Variants in PDZD2 observed in about 807,000 individuals in gnomAD.
PDZD2 encodes PDZ domain-containing protein 2.
Under a neutral mutation model 220.7 loss-of-function variants are expected in PDZD2, and 90 were observed. That is an observed-to-expected ratio of 0.41 (90% CI 0.34 to 0.49). The LOEUF is 0.49. Ranked by LOEUF, PDZD2 falls within the 20% of genes least tolerant of loss-of-function variation. PDZD2 has a pLI of 0.28. For missense variants in PDZD2, 3,174 were observed against 3,608.5 expected, an observed-to-expected ratio of 0.88 and a Z score of 3.08; for synonymous variants, 1,375 against 1,450.5, an observed-to-expected ratio of 0.95 and a Z score of 1.18.
chr5:31,919,117 G>A (rs961762367), intron 2 of PDZD2, among the ~76,000 whole-genome samples: 2 of 152,238 alleles, frequency 1.3e-5, no homozygotes, highest in East Asian at 1.9e-4. Flanking sequence ...AACTGGTGGA[G>A]GAGTGAGTAG....
At chr5:32,103,154 T>TAA (rs1453079478) in intron 24 of PDZD2, among the ~76,000 whole-genome samples, 6 of 152,148 alleles carry the variant, frequency 3.9e-5, no homozygotes, top group African/African-American at 1.4e-4. Context: ...AAATCATGAC[T>TAA]AAGAATTTTC....
At chr5:31,831,969 G>T (rs1282172766) in intron 2 of PDZD2, among the ~76,000 whole-genome samples, 1 of 150,842 alleles carries the variant, frequency 6.6e-6, no homozygotes, top group East Asian at 1.9e-4. Flanking sequence ...TATAAATGGA[G>T]TGAAAATTTT....
chr5:32,077,960 A>AAAAAAG (rs1741476826), intron 19 of PDZD2: 2 of 195,636 alleles, frequency 1.0e-5, no homozygotes, highest in East Asian at 2.8e-4. Context: ...TCTGTCAAAA[A>AAAAAAG]AAAAAGAAAA....
intron 1 of PDZD2, among the ~76,000 whole-genome samples, chr5:31,766,596 T>C (rs10461903): frequency 0.37 from 56,320 of 152,066 alleles, 10,607 homozygotes; most frequent in East Asian, 0.51. Flanking sequence ...TTCACCATGT[T>C]GCCTAGGCTG....
chr5:31,881,330 G>GTT (rs1232066417), intron 2 of PDZD2, among the ~76,000 whole-genome samples: 2 of 54,258 alleles, frequency 3.7e-5, no homozygotes, highest in Admixed American at 2.8e-4. Context: ...ATATATATGT[G>GTT]TGTGTGTGTG....
intron 1 of PDZD2, among the ~76,000 whole-genome samples, chr5:31,775,001 T>A (rs1472501314): frequency 1.3e-5 from 2 of 152,220 alleles, no homozygotes; most frequent in Non-Finnish European, 2.9e-5. Flanking sequence ...ATCAACATGA[T>A]GTCAACCAGC....
At chr5:32,077,354 C>T (rs1481613972) in intron 18 of PDZD2, 108 bp from the exon 19 acceptor site, 4 of 1,064,172 alleles carry the variant, frequency 3.8e-6, no homozygotes, top group Non-Finnish European at 5.6e-6. Context: ...TAGTCCAGGG[C>T]CCCTTTGCCT....
At chr5:31,693,497 T>C (rs529022311) in intron 1 of PDZD2, among the ~76,000 whole-genome samples, 1 of 152,054 alleles carries the variant, frequency 6.6e-6, no homozygotes, top group East Asian at 1.9e-4. Flanking sequence ...ACCTCGGCCT[T>C]CCAAAGTGCT....
At chr5:31,715,220 G>C (rs993352631) in intron 1 of PDZD2, among the ~76,000 whole-genome samples, 1 of 152,124 alleles carries the variant, frequency 6.6e-6, no homozygotes, top group African/African-American at 2.4e-5. Flanking sequence ...GGTAGAGAGG[G>C]CTTTGTAGTA....
intron 2 of PDZD2, among the ~76,000 whole-genome samples, chr5:31,951,517 C>CCA (rs1185852378): frequency 1.3e-5 from 2 of 152,188 alleles, no homozygotes; most frequent in Non-Finnish European, 1.5e-5. Flanking sequence ...AACATTGAGT[C>CCA]CACAGCAGAA....
In PDZD2 at chr5:31,858,393, G is replaced by C. The variant is rs544618271; in HGVS notation, c.476+58669G>C. Among the ~76,000 whole-genome samples, 22 of 152,318 alleles carry C rather than the reference G, an allele frequency of 1.4e-4. 1 individual carries two copies. The South Asian group carries it at 3.9e-3, about 27-fold the overall frequency. On this transcript the variant is annotated intron_variant, in intron 2 of 24. Transcript: ENST00000438447. Reference sequence around the variant, plus strand: ...AACCTCCTTTGCAAAAATTAGTACAGCTATGATAGTGAAAGAGATGTGATC... The same window carrying C: ...AACCTCCTTTGCAAAAATTAGTACACCTATGATAGTGAAAGAGATGTGATC...
chr5:31,883,367 T>C (rs1383128308), intron 2 of PDZD2, among the ~76,000 whole-genome samples: 1 of 150,274 alleles, frequency 6.7e-6, no homozygotes, highest in Non-Finnish European at 1.5e-5. Context: ...ATTACAGGTG[T>C]GTACCACCAG....
At chr5:31,953,232 A>T (rs1012300972) in intron 2 of PDZD2, among the ~76,000 whole-genome samples, 1 of 151,954 alleles carries the variant, frequency 6.6e-6, no homozygotes, top group Non-Finnish European at 1.5e-5. Context: ...AGGAAATTTT[A>T]TATATGGAGA....
At chr5:31,851,489 A>C (rs928205703) in intron 2 of PDZD2, among the ~76,000 whole-genome samples, 3 of 152,204 alleles carry the variant, frequency 2.0e-5, no homozygotes, top group Admixed American at 6.5e-5. Flanking sequence ...ACCCCTGAGG[A>C]TACCACTTTG....
intron 1 of PDZD2, among the ~76,000 whole-genome samples, chr5:31,765,440 A>G (rs73058426): frequency 0.017 from 2,662 of 152,302 alleles, 71 homozygotes; most frequent in African/African-American, 0.061. Context: ...TGAAGATGGT[A>G]ACTTAACTTC....
chr5:31,775,664 CGTGTGTGTGTGTGTGTGT>C (rs370394146), intron 1 of PDZD2, among the ~76,000 whole-genome samples: 1 of 135,374 alleles, frequency 7.4e-6, no homozygotes, highest in Non-Finnish European at 1.6e-5. Flanking sequence ...ACTCACAGAG[CGTGTGTGTGTGTGTGTGT>C]GTGTGTGTGT....
chr5:31,896,323 CGTG>C (rs1390838235), intron 2 of PDZD2, among the ~76,000 whole-genome samples: 2 of 136,358 alleles, frequency 1.5e-5, no homozygotes, highest in African/African-American at 5.5e-5. Flanking sequence ...TTGATACTCT[CGTG>C]TGTGTGTGTG....
chr5:32,015,931 C>T (rs1203505644), intron 6 of PDZD2, among the ~76,000 whole-genome samples: 1 of 152,192 alleles, frequency 6.6e-6, no homozygotes, highest in Non-Finnish European at 1.5e-5. Context: ...TTGTTTAGCA[C>T]ATCAATCAGG....
intron 1 of PDZD2, among the ~76,000 whole-genome samples, chr5:31,791,780 A>G (rs1416247412): frequency 1.3e-5 from 2 of 152,114 alleles, no homozygotes; most frequent in Non-Finnish European, 2.9e-5. Context: ...CCAGTCCGCA[A>G]CTTTCAAGTC....
Sources: gnomAD v4.1 joint callset for allele counts (sites outside exome capture counted in the v4.1 genomes callset) on GRCh38, gnomAD v4.1.1 for gene constraint, MANE v1.5 for transcripts, NCBI Gene and HGNC (gene_info 2026-07-23, HGNC 2026-07-21) for gene names.